Variants in EPHA6 observed in about 807,000 individuals in gnomAD.
EPHA6 encodes the protein ephrin type-A receptor 6.
Under a neutral mutation model 112.0 loss-of-function variants are expected in EPHA6, and 50 were observed. The ratio of observed to expected loss-of-function variants is 0.45; its 90% CI spans 0.36 to 0.56. The LOEUF is 0.56. Ranked by LOEUF, EPHA6 falls within the 20% of genes least tolerant of loss-of-function variation. EPHA6 has a pLI of 0.00. For synonymous variants in EPHA6, 529 were observed against 490.7 expected (o/e 1.08, Z -1.03); for missense variants, 1,280 against 1,417.4 (o/e 0.90, Z 1.56).
intron 6 of EPHA6, among the ~76,000 whole-genome samples, chr3:97,441,185 G>C (rs1030820151): frequency 9.9e-5 from 15 of 151,858 alleles, no homozygotes; most frequent in African/African-American, 3.6e-4. Flanking sequence ...TAACTTATAA[G>C]TATATGCTTA....
chr3:96,907,163 A>G (rs1199668235), intron 2 of EPHA6, among the ~76,000 whole-genome samples: 2 of 151,960 alleles, frequency 1.3e-5, no homozygotes, highest in Non-Finnish European at 2.9e-5. Flanking sequence ...CTATTATATC[A>G]TTTTTAAGTT....
intron 3 of EPHA6, among the ~76,000 whole-genome samples, chr3:97,122,100 T>C (rs1341194037): frequency 2.0e-5 from 3 of 152,110 alleles, no homozygotes; most frequent in African/African-American, 4.8e-5. Flanking sequence ...TACAGTAGAA[T>C]GATTACCATA....
intron 1 of EPHA6, among the ~76,000 whole-genome samples, chr3:96,842,272 A>C (rs1277466214): frequency 6.6e-6 from 1 of 152,138 alleles, no homozygotes; most frequent in Non-Finnish European, 1.5e-5. Flanking sequence ...CCTAGTCCTC[A>C]GCATGAATTA....
At chr3:97,719,994 CTAAAG>C (rs1201744884) in intron 14 of EPHA6, among the ~76,000 whole-genome samples, 1 of 152,060 alleles carries the variant, frequency 6.6e-6, no homozygotes, top group Non-Finnish European at 1.5e-5. Context: ...TTGTGTGAAT[CTAAAG>C]TAAAAATAAA....
intron 2 of EPHA6, among the ~76,000 whole-genome samples, chr3:96,962,994 A>G (rs2041999528): frequency 6.6e-6 from 1 of 152,010 alleles, no homozygotes; most frequent in African/African-American, 2.4e-5. Context: ...TCTCTACAAA[A>G]AATACAAAAA....
intron 5 of EPHA6, among the ~76,000 whole-genome samples, chr3:97,320,629 G>T (rs1214287937): frequency 6.6e-6 from 1 of 151,790 alleles, no homozygotes; most frequent in African/African-American, 2.4e-5. Flanking sequence ...ACTTATGTTT[G>T]TGGGAGGTGT....
chr3:97,236,221 C>T (rs776670309), intron 4 of EPHA6, among the ~76,000 whole-genome samples: 1 of 151,308 alleles, frequency 6.6e-6, no homozygotes, highest in Non-Finnish European at 1.5e-5. Context: ...TTTTCCAGGC[C>T]AAAAGGGAAA....
At chr3:96,939,345 G>A (rs1256010252) in intron 2 of EPHA6, among the ~76,000 whole-genome samples, 1 of 152,182 alleles carries the variant, frequency 6.6e-6, no homozygotes, top group African/African-American at 2.4e-5. Context: ...GAGGGTGTAT[G>A]TGTCGAGGAA....
chr3:96,905,147 G>T (rs957707753), intron 2 of EPHA6, among the ~76,000 whole-genome samples: 8 of 151,958 alleles, frequency 5.3e-5, no homozygotes, highest in Non-Finnish European at 1.2e-4. Flanking sequence ...AAGAAAAATG[G>T]CTTTAGAATT....
At chr3:96,975,281 C>T (rs2042476939) in intron 2 of EPHA6, among the ~76,000 whole-genome samples, 1 of 152,010 alleles carries the variant, frequency 6.6e-6, no homozygotes, top group Admixed American at 6.6e-5. Flanking sequence ...TATGAAGCTC[C>T]AGGCCCAGCC....
At chr3:97,384,413 C>A (rs577943151) in intron 5 of EPHA6, among the ~76,000 whole-genome samples, 2 of 152,194 alleles carry the variant, frequency 1.3e-5, no homozygotes, top group African/African-American at 4.8e-5. Flanking sequence ...CACTGTGCTG[C>A]CATATGTAGT....
chr3:97,319,840 A>G (rs552966141), intron 5 of EPHA6, among the ~76,000 whole-genome samples: 2 of 152,084 alleles, frequency 1.3e-5, no homozygotes, highest in East Asian at 1.9e-4. Context: ...TAATGACACA[A>G]TTAAAACTTT....
intron 3 of EPHA6, among the ~76,000 whole-genome samples, chr3:97,033,424 T>A (rs2044955470): frequency 1.3e-5 from 2 of 151,972 alleles, no homozygotes; most frequent in Admixed American, 6.6e-5. Flanking sequence ...AAGAATGAAG[T>A]AACACTCTGA....
At chr3:97,539,039 C>T (rs1219021662) in intron 11 of EPHA6, among the ~76,000 whole-genome samples, 1 of 141,944 alleles carries the variant, frequency 7.0e-6, no homozygotes, top group Non-Finnish European at 1.5e-5. Flanking sequence ...TTCTTTCTTG[C>T]TTTCTTTCTT....
chr3:97,355,110 G>A (rs1376545704), intron 5 of EPHA6, among the ~76,000 whole-genome samples: 1 of 152,114 alleles, frequency 6.6e-6, no homozygotes, highest in Non-Finnish European at 1.5e-5. Context: ...CTACAAGATG[G>A]TAAAGAGAGT....
At chr3:97,479,726 C>T (rs2305890) in intron 9 of EPHA6, among the ~76,000 whole-genome samples, 28,848 of 152,036 alleles carry the variant, frequency 0.19, 4,120 homozygotes, top group African/African-American at 0.38. Context: ...ATCTTTATTC[C>T]TTCTTGTAGG....
intron 14 of EPHA6, among the ~76,000 whole-genome samples, chr3:97,697,929 G>A (rs1013111497): frequency 5.9e-5 from 9 of 152,204 alleles, no homozygotes; most frequent in African/African-American, 2.2e-4. Context: ...GTTAAGAGAA[G>A]TGAAGTAAAA....
intron 6 of EPHA6, among the ~76,000 whole-genome samples, chr3:97,425,238 G>A (rs2089014759): frequency 6.6e-6 from 1 of 152,182 alleles, no homozygotes; most frequent in South Asian, 2.1e-4. Context: ...CTCTGTGTGG[G>A]GGCTCCAACC....
intron 5 of EPHA6, among the ~76,000 whole-genome samples, chr3:97,371,794 C>T (rs1212799368): frequency 6.6e-6 from 1 of 152,112 alleles, no homozygotes; most frequent in Non-Finnish European, 1.5e-5. Context: ...AAAGAGAATG[C>T]ATGCCTAGGG....
Sources: allele counts gnomAD v4.1 joint callset (sites outside exome capture counted in the v4.1 genomes callset), GRCh38; gene constraint gnomAD v4.1.1; transcripts MANE v1.5; gene names NCBI Gene and HGNC (gene_info 2026-07-23, HGNC 2026-07-21).